CIMIP2C: variants seen among roughly 807,000 people sequenced by gnomAD.
CIMIP2C encodes UPF0573 protein C2orf70.
the CIMIP2C span, chr2:26,577,723 A>G: frequency 1.1e-6 from 1 of 894,834 alleles, no homozygotes; most frequent in South Asian, 1.5e-5. Flanking sequence ...AGACTGAGAA[A>G]TGAGTTGAGG....
the CIMIP2C span, chr2:26,579,088 C>A: frequency 1.7e-6 from 1 of 597,380 alleles, no homozygotes; most frequent in South Asian, 1.9e-5. Context: ...TGTCTGACAT[C>A]TGTGTCCTCA....
chr2:26,565,118 C>A, the CIMIP2C span, among the ~76,000 whole-genome samples: 3 of 145,142 alleles, frequency 2.1e-5, no homozygotes, highest in Admixed American at 1.4e-4. Context: ...TTAATGGAGT[C>A]TTGCTCTGTT....
At chr2:26,575,750 C>A in the CIMIP2C span, 95 of 858,422 alleles carry the variant, frequency 1.1e-4, 1 homozygote, top group South Asian at 1.7e-3. Context: ...CTCAGAACTC[C>A]TGGGCTCAGG....
chr2:26,574,632 A>G, the CIMIP2C span, among the ~76,000 whole-genome samples: 1 of 152,218 alleles, frequency 6.6e-6, no homozygotes, highest in Non-Finnish European at 1.5e-5. Flanking sequence ...CGGCCATGGC[A>G]TGGCTGCCAT....
the CIMIP2C span, among the ~76,000 whole-genome samples, chr2:26,574,601 T>C: frequency 6.6e-6 from 1 of 152,182 alleles, no homozygotes; most frequent in Non-Finnish European, 1.5e-5. Flanking sequence ...ACTGGGTTCA[T>C]CTGCACACAG....
chr2:26,579,157 A>C, the CIMIP2C span: 1 of 923,030 alleles, frequency 1.1e-6, no homozygotes, highest in Non-Finnish European at 1.7e-6. Flanking sequence ...GTCCAGGGGG[A>C]CTTATCAGGT....
the CIMIP2C span, among the ~76,000 whole-genome samples, chr2:26,566,345 C>A: frequency 6.6e-6 from 1 of 152,196 alleles, no homozygotes; most frequent in East Asian, 1.9e-4. Context: ...AAAATCAGTG[C>A]GTTCCACTCC....
the CIMIP2C span, chr2:26,577,683 C>T: frequency 7.4e-7 from 1 of 1,342,822 alleles, no homozygotes; most frequent in East Asian, 2.3e-5. Flanking sequence ...CCATGGGGCA[C>T]CTGCTCTCGG....
chr2:26,566,187 T>G, the CIMIP2C span, among the ~76,000 whole-genome samples: 12 of 152,224 alleles, frequency 7.9e-5, no homozygotes, highest in Non-Finnish European at 1.2e-4. Context: ...CTGCGCCCCA[T>G]GCCCACAGCT....
the CIMIP2C span, chr2:26,579,231 T>C: frequency 6.3e-7 from 1 of 1,585,054 alleles, no homozygotes. Flanking sequence ...GGGCTGTGGG[T>C]GGGCACGCAC....
At chr2:26,575,067 A>T in the CIMIP2C span, among the ~76,000 whole-genome samples, 59 of 152,304 alleles carry the variant, frequency 3.9e-4, 1 homozygote, top group South Asian at 0.012. Context: ...AGCGAGTCTC[A>T]TTTAACCAAG....
the CIMIP2C span, among the ~76,000 whole-genome samples, chr2:26,565,213 C>G: frequency 6.6e-6 from 1 of 152,090 alleles, no homozygotes; most frequent in Non-Finnish European, 1.5e-5. Flanking sequence ...ACCTCAGCCT[C>G]CTGAGTAGCT....
At chr2:26,564,613 T>A in the CIMIP2C span, among the ~76,000 whole-genome samples, 2 of 152,226 alleles carry the variant, frequency 1.3e-5, no homozygotes, top group Non-Finnish European at 2.9e-5. Flanking sequence ...ATTTTGTGTT[T>A]CCAAATGCTA....
chr2:26,575,851 C>T, the CIMIP2C span: 2 of 1,588,498 alleles, frequency 1.3e-6, no homozygotes, highest in South Asian at 2.3e-5. Context: ...TGGAACAGGC[C>T]TGGGGCCCTT....
the CIMIP2C span, chr2:26,579,386 T>G: frequency 6.2e-7 from 1 of 1,612,502 alleles, no homozygotes; most frequent in Non-Finnish European, 8.5e-7. Context: ...GGGAAGAGGG[T>G]CTCTCCACAG....
the CIMIP2C span, among the ~76,000 whole-genome samples, chr2:26,564,930 C>T: frequency 6.6e-6 from 1 of 152,158 alleles, no homozygotes; most frequent in Non-Finnish European, 1.5e-5. Flanking sequence ...GGAGCCAGGT[C>T]CCTAATGCCT....
chr2:26,577,618 C>T, the CIMIP2C span: 5 of 1,613,272 alleles, frequency 3.1e-6, no homozygotes, highest in Non-Finnish European at 4.2e-6. Flanking sequence ...GTACCCCCTC[C>T]CCACCGTCCT....
At chr2:26,576,081 G>A in the CIMIP2C span, 32 of 1,613,994 alleles carry the variant, frequency 2.0e-5, no homozygotes, top group Middle Eastern at 1.6e-4. Context: ...CTGATGGAGC[G>A]CGCCAGCACC....
At chr2:26,568,625 C>T in the CIMIP2C span, among the ~76,000 whole-genome samples, 7 of 152,224 alleles carry the variant, frequency 4.6e-5, no homozygotes, top group African/African-American at 1.7e-4. Flanking sequence ...CCACTGGGTG[C>T]AGAGAATGCC....
Sources: allele counts gnomAD v4.1 joint callset (sites outside exome capture counted in the v4.1 genomes callset), GRCh38; gene constraint gnomAD v4.1.1; transcripts MANE v1.5; gene names NCBI Gene and HGNC (gene_info 2026-07-23, HGNC 2026-07-21).